NCR1: variants seen among roughly 807,000 people sequenced by gnomAD.
The protein encoded by NCR1 is natural cytotoxicity triggering receptor 1.
NCR1 carries 30 observed loss-of-function variants against 32.5 expected under a neutral mutation model. The ratio of observed to expected loss-of-function variants is 0.92; its 90% CI spans 0.69 to 1.25. The LOEUF (loss-of-function observed/expected upper bound fraction) is 1.25, where lower values mean the gene tolerates loss of function less well. NCR1 is among the 50% of genes most tolerant of loss of function. The pLI is 0.00. For synonymous variants in NCR1, 169 were observed against 143.4 expected (o/e 1.18, Z -1.28); for missense variants, 369 against 380.7 (o/e 0.97, Z 0.26).
At chr19:54,907,622 C>A (rs747532076) in intron 3 of NCR1, among the ~76,000 whole-genome samples, 4 of 151,340 alleles carry the variant, frequency 2.6e-5, no homozygotes, top group Non-Finnish European at 5.9e-5. Flanking sequence ...ATGAGCAATA[C>A]TTTGTGCTAG....
At chr19:54,914,790 C>T (rs990064412), downstream of NCR1, among the ~76,000 whole-genome samples, 6 of 150,406 alleles carry the variant, frequency 4.0e-5, no homozygotes, top group African/African-American at 7.4e-5. Flanking sequence ...CCCAAGCTGG[C>T]GTGCAGTGGC....
chr19:54,898,843 G>A, the NCR1 span, among the ~76,000 whole-genome samples: 5 of 152,286 alleles, frequency 3.3e-5, no homozygotes, highest in South Asian at 8.3e-4. Context: ...AAATTGCTGG[G>A]CAGTTGGGGG....
chr19:54,937,313 C>T, the NCR1 span, among the ~76,000 whole-genome samples: 2 of 151,500 alleles, frequency 1.3e-5, no homozygotes, highest in South Asian at 4.1e-4. Context: ...GTACAACAAA[C>T]TCCTATGACA....
At chr19:54,919,391 G>A (rs1467680559), downstream of NCR1, among the ~76,000 whole-genome samples, 14 of 152,178 alleles carry the variant, frequency 9.2e-5, no homozygotes, top group African/African-American at 2.7e-4. Flanking sequence ...CGTGGGTCAC[G>A]TGTCCACTGG....
Position 54,909,251 on chromosome 19 carries a change from A to T in NCR1, c.362A>T (p.Tyr121Phe). Residue 121 changes from tyrosine to phenylalanine, a missense_variant, in exon 4 of 7, where the codon TAT becomes TTT. Physicochemically the swap from Tyr to Phe is conservative, Grantham distance 22 (BLOSUM62 3). Coordinates refer to ENST00000291890, the MANE Select transcript of NCR1 (RefSeq NM_004829.7). ...GCCCCACCTTCTCTCATAGAAATGT[A>T]TGACACACCCACCCTCTCGGTTCAT... ...NLLDLVVTEM[Y>F]DTPTLSVHPG... The T allele has an allele frequency of 6.2e-7, 1 of 1,611,252 alleles. No individual in the cohort carries two copies.
chr19:54,934,380 T>C, the NCR1 span: 5 of 1,102,872 alleles, frequency 4.5e-6, no homozygotes, highest in African/African-American at 1.5e-5. This position sits in a 1 kb window ranked among gnomAD's most constrained non-coding sequence, Gnocchi z 6.7. Flanking sequence ...AGCAGGTGTT[T>C]ATTTCAGCAA....
At chr19:54,934,671 G>A in the NCR1 span, 10 of 1,609,522 alleles carry the variant, frequency 6.2e-6, no homozygotes, top group South Asian at 1.1e-5. This position sits in a 1 kb window ranked among gnomAD's most constrained non-coding sequence, Gnocchi z 6.7. Context: ...TGTGAAAAGA[G>A]TGGGAAAAGT....
At chr19:54,923,588 G>A in the NCR1 span, 2 of 881,362 alleles carry the variant, frequency 2.3e-6, no homozygotes, top group South Asian at 2.7e-5. Context: ...GACTCGTGCA[G>A]AATCTCCCAA....
rs755069875 is a variant in NCR1, at chr19:54,910,070, G to GTAAC, written c.682+7_682+10dup. The GTAAC allele has an allele frequency of 1.9e-6, 3 of 1,613,404 alleles. No homozygotes were observed. Among genetic ancestry groups the GTAAC allele is most frequent in the Non-Finnish European group, 2.5e-6 (3 of 1,179,710 alleles). ...CTGAAGACCCCACCTTTCCTGGTGAGTAACTGGTCCTTCTAAGCTCAGACG... is the reference window on the plus strand; with the variant it reads ...CTGAAGACCCCACCTTTCCTGGTGAGTAACTAACTGGTCCTTCTAAGCTCAGACG... On this transcript the variant is annotated splice_donor_region_variant and intron_variant, in intron 5 of 6. Coordinates refer to ENST00000291890, the MANE Select transcript of NCR1 (RefSeq NM_004829.7).
chr19:54,938,074 G>C, the NCR1 span: 1 of 1,614,074 alleles, frequency 6.2e-7, no homozygotes, highest in East Asian at 2.2e-5. Flanking sequence ...GGTGCTACGG[G>C]TTACGTGGTC....
the NCR1 span, among the ~76,000 whole-genome samples, chr19:54,934,093 A>G: frequency 2.6e-5 from 4 of 152,180 alleles, no homozygotes; most frequent in South Asian, 4.2e-4. This position sits in a 1 kb window ranked among gnomAD's most constrained non-coding sequence, Gnocchi z 6.7. Flanking sequence ...ACAGGCGCCC[A>G]CCACACCTGG....
downstream of NCR1, among the ~76,000 whole-genome samples, chr19:54,913,336 AAG>A (rs2068065097): frequency 2.6e-5 from 4 of 152,174 alleles, no homozygotes; most frequent in Admixed American, 2.6e-4. Context: ...TTACAGGCAT[AAG>A]CCGCTGCGCC....
chr19:54,925,684 C>A, the NCR1 span, among the ~76,000 whole-genome samples: 1 of 152,026 alleles, frequency 6.6e-6, no homozygotes, highest in East Asian at 1.9e-4. Flanking sequence ...CAAGAAGAAA[C>A]TAAAGGTAGA....
Position 54,906,613 on chromosome 19 carries a change from G to A in NCR1, c.161G>A (p.Gly54Glu). The change falls in exon 3 of 7, where the codon GGG becomes GAG. Residue 54 changes from glycine to glutamate, a missense_variant. By Grantham distance (98) the Gly-to-Glu change is moderately conservative. Coordinates refer to ENST00000291890, the MANE Select transcript of NCR1 (RefSeq NM_004829.7). ...ACCATCTGTTGCCAGGGAAATTATG[G>A]GGCTGTTGAATACCAGCTGCACTTT... ...QVTICCQGNY[G>E]AVEYQLHFEG... The A allele has an allele frequency of 6.2e-7, 1 of 1,614,182 alleles. No individual in the cohort carries two copies. Among genetic ancestry groups the A allele is most frequent in the Non-Finnish European group, 8.5e-7 (1 of 1,180,040 alleles).
chr19:54,902,743 C>A (rs1040650926), upstream of NCR1, among the ~76,000 whole-genome samples: 1 of 152,090 alleles, frequency 6.6e-6, no homozygotes, highest in Non-Finnish European at 1.5e-5. Flanking sequence ...GGCATCCAAG[C>A]GCTCCGTAGG....
downstream of NCR1, among the ~76,000 whole-genome samples, chr19:54,917,759 A>G (rs1272529015): frequency 6.6e-6 from 1 of 152,146 alleles, no homozygotes; most frequent in Non-Finnish European, 1.5e-5. Flanking sequence ...GGTAGGGTCC[A>G]GGGGTGCTGC....
the NCR1 span, among the ~76,000 whole-genome samples, chr19:54,899,444 G>T: frequency 4.6e-5 from 7 of 151,776 alleles, no homozygotes; most frequent in African/African-American, 1.7e-4. Flanking sequence ...GGAGGGAAGG[G>T]GTTCAGGGGT....
At chr19:54,904,544 TTTTTTGAGATGGAG>T (rs912273297), upstream of NCR1, among the ~76,000 whole-genome samples, 5 of 149,722 alleles carry the variant, frequency 3.3e-5, no homozygotes, top group African/African-American at 1.2e-4. Context: ...TTTTTTTTTT[TTTTTTGAGATGGAG>T]TTTCACTCTT....
chr19:54,931,517 C>T, the NCR1 span, among the ~76,000 whole-genome samples: 75 of 152,150 alleles, frequency 4.9e-4, no homozygotes, highest in African/African-American at 1.8e-3. Flanking sequence ...TGGAGAAACC[C>T]GTCTCTACTA....
Sources: allele counts gnomAD v4.1 joint callset (sites outside exome capture counted in the v4.1 genomes callset), GRCh38; gene constraint gnomAD v4.1.1; non-coding constraint Gnocchi (gnomAD v3.1); transcripts MANE v1.5; gene names NCBI Gene and HGNC (gene_info 2026-07-23, HGNC 2026-07-21).